TXNDC9: variants seen among roughly 807,000 people sequenced by gnomAD.
The protein encoded by TXNDC9 is thioredoxin domain containing 9.
In TXNDC9, 7 loss-of-function variants were observed where a neutral mutation model predicts 23.0. That is an observed-to-expected ratio of 0.30 (90% CI 0.17 to 0.57). The LOEUF is 0.57. Among genes scored for constraint, TXNDC9 ranks in the 20% least tolerant of loss-of-function variants. TXNDC9 has a pLI of 0.90. For missense variants in TXNDC9, 198 were observed against 252.6 expected (o/e 0.78, Z 1.47); for synonymous variants, 72 against 90.6 (o/e 0.79, Z 1.17).
chr2:99,307,030 C>T, the TXNDC9 span, among the ~76,000 whole-genome samples: 943 of 59,474 alleles, frequency 0.016, 15 homozygotes, highest in African/African-American at 0.039. Flanking sequence ...TTCCTTCCTT[C>T]TTCCTTTTCT....
the TXNDC9 span, among the ~76,000 whole-genome samples, chr2:99,312,496 CAAA>C: frequency 8.2e-5 from 5 of 61,290 alleles, no homozygotes; most frequent in Admixed American, 1.9e-4. Context: ...GACTCCGTCT[CAAA>C]AAAAAAAAAA....
chr2:99,308,252 C>G, the TXNDC9 span, among the ~76,000 whole-genome samples: 4 of 151,978 alleles, frequency 2.6e-5, no homozygotes, highest in Non-Finnish European at 5.9e-5. Flanking sequence ...TTTGCCTGCC[C>G]AGAGGGAAGA....
At chr2:99,330,227 T>C (rs554889110) in intron 2 of TXNDC9, among the ~76,000 whole-genome samples, 2 of 127,496 alleles carry the variant, frequency 1.6e-5, no homozygotes, top group South Asian at 2.5e-4. Flanking sequence ...GAGGTGGAGG[T>C]TGCAGTGAGC....
At chr2:99,310,770 A>G in the TXNDC9 span, among the ~76,000 whole-genome samples, 2 of 152,150 alleles carry the variant, frequency 1.3e-5, no homozygotes, top group Admixed American at 6.6e-5. Flanking sequence ...TGTCTCTAAA[A>G]ATAAATAAAT....
intron 3 of TXNDC9, among the ~76,000 whole-genome samples, chr2:99,326,662 G>C (rs2094213339): frequency 3.9e-5 from 6 of 152,182 alleles, no homozygotes; most frequent in Admixed American, 3.3e-4. Flanking sequence ...TTTTATAAGA[G>C]ATCTGCTTCC....
the TXNDC9 span, among the ~76,000 whole-genome samples, chr2:99,311,792 C>G: frequency 2.0e-5 from 3 of 152,178 alleles, no homozygotes; most frequent in Non-Finnish European, 4.4e-5. Context: ...TGATCAGATC[C>G]TTATTGTTGC....
intron 3 of TXNDC9, among the ~76,000 whole-genome samples, chr2:99,324,922 T>C (rs937706495): frequency 4.2e-4 from 64 of 152,212 alleles, no homozygotes; most frequent in African/African-American, 1.5e-3. Context: ...ACTTTTTGTA[T>C]TTTAGTAGAG....
At position 99,334,039 on chromosome 2, in the gene TXNDC9, T is replaced by C. The variant is rs527269656; in HGVS notation, c.-32-797A>G. Among the ~76,000 whole-genome samples, 6 of 152,340 alleles carry C rather than the reference T, an allele frequency of 3.9e-5. No homozygotes were observed. In the East Asian group the frequency reaches 9.6e-4, roughly 24 times the overall value. On this transcript the variant is annotated intron_variant, in intron 1 of 4. Transcript: ENST00000264255. ...AAGGAAGACCTATCTCAATTAGTCATGCATCACTTAACAATGGGAATATAT... is the reference window on the plus strand; with the variant it reads ...AAGGAAGACCTATCTCAATTAGTCACGCATCACTTAACAATGGGAATATAT...
At chr2:99,321,513 T>C (rs1249905460) in intron 4 of TXNDC9, 2 of 153,216 alleles carry the variant, frequency 1.3e-5, no homozygotes, top group Non-Finnish European at 2.9e-5. Context: ...ATGTTAAAAA[T>C]CTAGTATTTT....
the TXNDC9 span, among the ~76,000 whole-genome samples, chr2:99,307,063 CCT>C: frequency 5.6e-5 from 8 of 141,632 alleles, no homozygotes; most frequent in African/African-American, 1.3e-4. Flanking sequence ...TTCCTCCCTT[CCT>C]CTTCCCTTCC....
chr2:99,308,775 A>G, the TXNDC9 span, among the ~76,000 whole-genome samples: 2 of 151,914 alleles, frequency 1.3e-5, no homozygotes, highest in African/African-American at 4.8e-5. Context: ...GCAGTGGTGC[A>G]ATCTTGGCTC....
chr2:99,332,316 G>A (rs1187661173), intron 2 of TXNDC9, among the ~76,000 whole-genome samples: 1 of 152,120 alleles, frequency 6.6e-6, no homozygotes. Context: ...GGTGGTGTGC[G>A]CCTGTAGTCC....
At chr2:99,324,387 G>A (rs753884428) in intron 3 of TXNDC9, among the ~76,000 whole-genome samples, 7 of 151,964 alleles carry the variant, frequency 4.6e-5, no homozygotes, top group Admixed American at 6.6e-5. Context: ...CTTTTTCCCC[G>A]GATATGTTTT....
At chr2:99,309,191 G>A in the TXNDC9 span, among the ~76,000 whole-genome samples, 1 of 151,770 alleles carries the variant, frequency 6.6e-6, no homozygotes, top group African/African-American at 2.4e-5. Context: ...TGGCCCGCAT[G>A]ACGAAACCCC....
At position 99,333,251 on chromosome 2, in the gene TXNDC9, A is replaced by C. The variant is rs372339450; in HGVS notation, c.-32-9T>G. The C allele has an allele frequency of 5.1e-6, 8 of 1,555,134 alleles. No individual in the cohort carries two copies. The highest frequency in any genetic ancestry group is 1.4e-5 in the African/African-American group (1 of 72,226). On this transcript the variant is annotated splice_polypyrimidine_tract_variant and intron_variant, in intron 1 of 4. Coordinates refer to ENST00000264255, the MANE Select transcript of TXNDC9 (RefSeq NM_005783.4). ...AGAGTTCAGCCTGGGTGCTGGGGAG[A>C]AGATTTACAAAATACATTTTAAAAA... is the stretch of plus-strand genomic sequence containing the variant.
At chr2:99,315,123 C>T (rs1384529860), downstream of TXNDC9, among the ~76,000 whole-genome samples, 13 of 150,066 alleles carry the variant, frequency 8.7e-5, no homozygotes, top group South Asian at 2.1e-4. Flanking sequence ...AGTGCAGTGG[C>T]GCGATCTTGG....
intron 3 of TXNDC9, among the ~76,000 whole-genome samples, chr2:99,327,106 T>C (rs1231095280): frequency 6.6e-6 from 1 of 152,164 alleles, no homozygotes; most frequent in East Asian, 1.9e-4. Flanking sequence ...GGAGTCTCAC[T>C]CTATCGCTCG....
At chr2:99,333,506 C>T (rs2094230824) in intron 1 of TXNDC9, among the ~76,000 whole-genome samples, 1 of 151,994 alleles carries the variant, frequency 6.6e-6, no homozygotes, top group Non-Finnish European at 1.5e-5. Context: ...ATACTAAAGC[C>T]AAGACAAGTC....
chr2:99,326,624 T>C (rs958743968), intron 3 of TXNDC9, among the ~76,000 whole-genome samples: 1 of 152,248 alleles, frequency 6.6e-6, no homozygotes, highest in African/African-American at 2.4e-5. Flanking sequence ...TGGTTTACGA[T>C]GTGACCTCTT....
Sources: gnomAD v4.1 joint callset for allele counts (sites outside exome capture counted in the v4.1 genomes callset) on GRCh38, gnomAD v4.1.1 for gene constraint, MANE v1.5 for transcripts, NCBI Gene and HGNC (gene_info 2026-07-23, HGNC 2026-07-21) for gene names.